C1orf21: variants seen among roughly 807,000 people sequenced by gnomAD.
C1orf21 encodes the protein chromosome 1 open reading frame 21.
C1orf21 carries 3 observed loss-of-function variants against 18.7 expected under a neutral mutation model. The observed-to-expected ratio is 0.16, with a 90% CI of 0.07 to 0.42. The LOEUF (loss-of-function observed/expected upper bound fraction) is 0.42. Ranked by LOEUF, C1orf21 falls within the 10% of genes least tolerant of loss-of-function variation. The pLI, the probability that C1orf21 is intolerant of heterozygous loss-of-function variation, is 0.99. For synonymous variants in C1orf21, 41 were observed against 46.4 expected, an observed-to-expected ratio of 0.88 and a Z score of 0.47; for missense variants, 104 against 143.6, an observed-to-expected ratio of 0.72 and a Z score of 1.41.
intron 3 of C1orf21, among the ~76,000 whole-genome samples, chr1:184,583,086 G>A (rs970630923): frequency 2.9e-4 from 44 of 152,118 alleles, no homozygotes; most frequent in African/African-American, 1.0e-3. Context: ...TGATCCGCCC[G>A]CCTCGGCCTC....
chr1:184,440,405 C>T (rs1656924438), intron 1 of C1orf21, among the ~76,000 whole-genome samples: 1 of 152,016 alleles, frequency 6.6e-6, no homozygotes, highest in African/African-American at 2.4e-5. Context: ...CTACACCGGC[C>T]ATTTTGTTGT....
chr1:184,488,249 G>A (rs1013359417), intron 2 of C1orf21, among the ~76,000 whole-genome samples: 1 of 152,174 alleles, frequency 6.6e-6, no homozygotes. Context: ...CAAAGGACAT[G>A]CATGATTCAG....
At chr1:184,473,663 T>A (rs1657527105) in intron 1 of C1orf21, among the ~76,000 whole-genome samples, 1 of 152,182 alleles carries the variant, frequency 6.6e-6, no homozygotes, top group African/African-American at 2.4e-5. Context: ...ATAAAAGAGA[T>A]ACAAATCAGG....
At chr1:184,514,775 G>A (rs1658198923) in intron 3 of C1orf21, among the ~76,000 whole-genome samples, 1 of 152,070 alleles carries the variant, frequency 6.6e-6, no homozygotes. Context: ...TATTATACAA[G>A]GCAGCAATTA....
At chr1:184,548,237 ACACACACACACACACACACT>A (rs946126222) in intron 3 of C1orf21, among the ~76,000 whole-genome samples, 1 of 151,448 alleles carries the variant, frequency 6.6e-6, no homozygotes, top group Non-Finnish European at 1.5e-5. Flanking sequence ...ACACACACAC[ACACACACACACACACACACT>A]CACACACTCA....
At chr1:184,478,545 T>C (rs569973997) in intron 2 of C1orf21, among the ~76,000 whole-genome samples, 16 of 152,228 alleles carry the variant, frequency 1.1e-4, no homozygotes, top group Non-Finnish European at 2.2e-4. Context: ...CGTCAGGAGG[T>C]GGGGTAGCAA....
In C1orf21 at chr1:184,461,793, A is replaced by G. The variant is rs1487790582; in HGVS notation, c.-124-15593A>G. Among the ~76,000 whole-genome samples the G allele has an allele frequency of 3.3e-5, 5 of 152,182 alleles. No individual in the cohort carries two copies. The East Asian group carries it at 9.6e-4, about 29-fold the overall frequency. ...CGCTTTCCCTTTGACGTACAAATAA[A>G]CAGCCTCGCACGTTTCATTTATTTT... On this transcript the variant is annotated intron_variant, in intron 1 of 5. Transcript: ENST00000235307.
intron 2 of C1orf21, among the ~76,000 whole-genome samples, chr1:184,493,564 A>C (rs1657848075): frequency 6.6e-6 from 1 of 152,230 alleles, no homozygotes; most frequent in South Asian, 2.1e-4. Context: ...CCAGCTATAG[A>C]TATGCATGCC....
At chr1:184,535,744 G>A (rs1338062441) in intron 3 of C1orf21, among the ~76,000 whole-genome samples, 3 of 152,170 alleles carry the variant, frequency 2.0e-5, no homozygotes, top group African/African-American at 4.8e-5. Flanking sequence ...TTCCCATCAC[G>A]TTTGAAGGCT....
chr1:184,475,775 G>A (rs1399324325), intron 1 of C1orf21, among the ~76,000 whole-genome samples: 1 of 142,960 alleles, frequency 7.0e-6, no homozygotes, highest in Non-Finnish European at 1.5e-5. Flanking sequence ...GTGTGTGTGT[G>A]TGTGTGTCCA....
chr1:184,540,047 C>G (rs957458779), intron 3 of C1orf21: 6 of 152,134 alleles, frequency 3.9e-5, no homozygotes, highest in African/African-American at 1.4e-4. Flanking sequence ...TTTGTTACTA[C>G]AACATAACCA....
chr1:184,582,849 T>G (rs931379376), intron 3 of C1orf21, among the ~76,000 whole-genome samples: 1 of 152,172 alleles, frequency 6.6e-6, no homozygotes, highest in Admixed American at 6.6e-5. Flanking sequence ...TTGTTTGTTT[T>G]GTTTTTTGAG....
intron 2 of C1orf21, among the ~76,000 whole-genome samples, chr1:184,502,659 TAC>T (rs1397027341): frequency 6.6e-6 from 1 of 152,220 alleles, no homozygotes; most frequent in Non-Finnish European, 1.5e-5. Context: ...TACAAATATG[TAC>T]AGTCTTTATA....
chr1:184,510,516 A>G (rs1356968283), intron 3 of C1orf21, among the ~76,000 whole-genome samples: 1 of 152,216 alleles, frequency 6.6e-6, no homozygotes, highest in African/African-American at 2.4e-5. Flanking sequence ...ACTTCATGAA[A>G]AAGCTGACAT....
chr1:184,583,446 G>A (rs1276489544), intron 3 of C1orf21, among the ~76,000 whole-genome samples: 2 of 152,146 alleles, frequency 1.3e-5, no homozygotes, highest in African/African-American at 4.8e-5. Flanking sequence ...TTTCCCAACT[G>A]ATGGAGCCCC....
intron 1 of C1orf21, among the ~76,000 whole-genome samples, chr1:184,402,616 CAAAA>C (rs57016276): frequency 1.7e-5 from 2 of 118,376 alleles, no homozygotes. Context: ...GACCCTGTCT[CAAAA>C]AAAAAAAAAA....
chr1:184,533,150 T>A (rs1658493613), intron 3 of C1orf21, among the ~76,000 whole-genome samples: 1 of 152,046 alleles, frequency 6.6e-6, no homozygotes, highest in East Asian at 1.9e-4. Context: ...TCTCTCTCCC[T>A]TCCCTCTGGC....
intron 3 of C1orf21, among the ~76,000 whole-genome samples, chr1:184,582,631 C>G (rs1318262705): frequency 6.6e-6 from 1 of 152,190 alleles, no homozygotes; most frequent in Non-Finnish European, 1.5e-5. Flanking sequence ...CCTCTCCAGA[C>G]TATCAATTCA....
chr1:184,438,013 A>G (rs1420472597), intron 1 of C1orf21, among the ~76,000 whole-genome samples: 1 of 152,174 alleles, frequency 6.6e-6, no homozygotes, highest in East Asian at 1.9e-4. Context: ...AATGGGATCA[A>G]TGGGGAGCTG....
Sources: allele counts gnomAD v4.1 joint callset (sites outside exome capture counted in the v4.1 genomes callset), GRCh38; gene constraint gnomAD v4.1.1; transcripts MANE v1.5; gene names NCBI Gene and HGNC (gene_info 2026-07-23, HGNC 2026-07-21).